BMERB1: variants seen among roughly 807,000 people sequenced by gnomAD.
The protein encoded by BMERB1 is bMERB domain-containing protein 1.
A neutral mutation model predicts 23.6 loss-of-function variants in BMERB1; 12 were observed. The observed-to-expected ratio is 0.51, with a 90% CI of 0.33 to 0.82. BMERB1 has a LOEUF of 0.82. Among genes scored for constraint, BMERB1 ranks in the 40% least tolerant of loss-of-function variants. The pLI is 0.03. For missense variants in BMERB1, 247 were observed against 255.4 expected (o/e 0.97, Z 0.22); for synonymous variants, 122 against 96.6 (o/e 1.26, Z -1.54).
chr16:15,567,933 G>C, intron 2 of BMERB1, 50 bp from the exon 3 acceptor site: 1 of 1,544,364 alleles, frequency 6.5e-7, no homozygotes. Context: ...TGCTCAGGGC[G>C]TAATGCTCTG....
intron 2 of BMERB1, among the ~76,000 whole-genome samples, chr16:15,522,456 G>T (rs1425075199): frequency 6.6e-6 from 1 of 151,646 alleles, no homozygotes; most frequent in Non-Finnish European, 1.5e-5. Context: ...CACACACACG[G>T]AAAGTGTGTG....
chr16:15,453,965 C>T (rs925606565), intron 1 of BMERB1, among the ~76,000 whole-genome samples: 2 of 152,084 alleles, frequency 1.3e-5, no homozygotes, highest in African/African-American at 4.8e-5. Context: ...CCTCCCTTCC[C>T]CTTTCCTTCC....
intron 2 of BMERB1, among the ~76,000 whole-genome samples, chr16:15,519,097 A>G (rs1056336634): frequency 7.3e-6 from 1 of 136,652 alleles, no homozygotes; most frequent in African/African-American, 3.3e-5. Context: ...ACACACACAC[A>G]CACACACACA....
intron 2 of BMERB1, among the ~76,000 whole-genome samples, chr16:15,555,347 C>G (rs564969110): frequency 5.3e-5 from 8 of 152,182 alleles, no homozygotes; most frequent in Non-Finnish European, 1.0e-4. Context: ...ACTGGGATTA[C>G]AGGCATGAGC....
chr16:15,583,128 C>A, intron 4 of BMERB1, 28 bp from the exon 5 acceptor site: 1 of 1,537,954 alleles, frequency 6.5e-7, no homozygotes, highest in Non-Finnish European at 9.0e-7. Flanking sequence ...TGTGTATCTT[C>A]TTTTCTTTTA....
chr16:15,434,677 C>G lies in BMERB1; in HGVS notation c.24C>G (p.Ser8=). 1.2e-6 allele frequency: 2 copies of G among 1,613,958 alleles called. No individual in the cohort carries two copies. The highest frequency in any genetic ancestry group is 1.7e-6 in the Non-Finnish European group (2 of 1,179,908). Residue 8 remains serine, a synonymous_variant, in exon 1 of 6, where the codon TCC becomes TCG. Transcript: ENST00000300006. ...CGATGGAATTAAAGCAATCTTTGTC[C>G]ACCCATCTGGAAGCCGAGAAGCCTC... MELKQSL[S]THLEAEKPLR...
intron 1 of BMERB1, among the ~76,000 whole-genome samples, chr16:15,508,124 C>G (rs907423050): frequency 6.6e-6 from 1 of 152,144 alleles, no homozygotes; most frequent in Non-Finnish European, 1.5e-5. Flanking sequence ...CCTCGACTTC[C>G]CCATCTATGA....
intron 2 of BMERB1, among the ~76,000 whole-genome samples, chr16:15,564,024 C>T (rs914029732): frequency 6.6e-6 from 1 of 152,184 alleles, no homozygotes; most frequent in Non-Finnish European, 1.5e-5. Flanking sequence ...GCACCTCCCC[C>T]TCTCTCTTGC....
chr16:15,466,111 G>A (rs1273845773), intron 1 of BMERB1, among the ~76,000 whole-genome samples: 1 of 152,134 alleles, frequency 6.6e-6, no homozygotes, highest in East Asian at 1.9e-4. Flanking sequence ...AATTGAAAGT[G>A]CTAAGCAGAC....
chr16:15,511,961 A>C (rs11859523), intron 1 of BMERB1, among the ~76,000 whole-genome samples: 2 of 134,904 alleles, frequency 1.5e-5, no homozygotes, highest in Non-Finnish European at 3.1e-5. Flanking sequence ...TGCAATGAGC[A>C]GAGATTGCAT....
intron 1 of BMERB1, among the ~76,000 whole-genome samples, chr16:15,500,063 C>T (rs1004512550): frequency 6.6e-6 from 1 of 152,174 alleles, no homozygotes; most frequent in East Asian, 1.9e-4. Context: ...TGGCTCTTTG[C>T]AACTTATCAC....
chr16:15,498,203 G>T (rs1237181382), intron 1 of BMERB1, among the ~76,000 whole-genome samples: 2 of 151,942 alleles, frequency 1.3e-5, no homozygotes, highest in Non-Finnish European at 2.9e-5. Context: ...ATCACACCTA[G>T]GTAAGTCTCA....
chr16:15,475,659 A>T (rs2051269100), intron 1 of BMERB1, among the ~76,000 whole-genome samples: 1 of 151,936 alleles, frequency 6.6e-6, no homozygotes. Context: ...GACCTTCCTG[A>T]TACTTGTTTG....
chr16:15,510,498 G>A (rs1459744943), intron 1 of BMERB1, among the ~76,000 whole-genome samples: 5 of 152,066 alleles, frequency 3.3e-5, no homozygotes, highest in Middle Eastern at 3.2e-3. Flanking sequence ...TAAACGTGAC[G>A]TGCCGGGGTA....
intron 1 of BMERB1, among the ~76,000 whole-genome samples, chr16:15,472,722 A>T (rs367564519): frequency 6.6e-6 from 1 of 152,122 alleles, no homozygotes; most frequent in Non-Finnish European, 1.5e-5. Context: ...ATATATTTAG[A>T]CCATTTACAT....
intron 3 of BMERB1, among the ~76,000 whole-genome samples, chr16:15,570,749 G>A (rs1420320896): frequency 6.6e-6 from 1 of 150,996 alleles, no homozygotes; most frequent in South Asian, 2.1e-4. Context: ...GCTATTTCTT[G>A]ATTATATGCT....
chr16:15,542,945 C>T (rs919852393), intron 2 of BMERB1, among the ~76,000 whole-genome samples: 16 of 152,096 alleles, frequency 1.1e-4, no homozygotes, highest in African/African-American at 2.9e-4. Context: ...AGTTGCTGTA[C>T]GCAGATGACT....
chr16:15,523,245 G>A (rs762987591), intron 2 of BMERB1, among the ~76,000 whole-genome samples: 1 of 151,978 alleles, frequency 6.6e-6, no homozygotes, highest in African/African-American at 2.4e-5. Context: ...ACATCCAGAC[G>A]CTTGTGTCTT....
At chr16:15,586,087 A>G (rs766591102) in intron 5 of BMERB1, among the ~76,000 whole-genome samples, 53 of 152,226 alleles carry the variant, frequency 3.5e-4, no homozygotes, top group Non-Finnish European at 6.8e-4. Flanking sequence ...TCAATAAAGT[A>G]AAAACTCAAT....
Sources: allele counts gnomAD v4.1 joint callset (sites outside exome capture counted in the v4.1 genomes callset), GRCh38; gene constraint gnomAD v4.1.1; transcripts MANE v1.5; gene names NCBI Gene and HGNC (gene_info 2026-07-23, HGNC 2026-07-21).